Variants in NALF1 observed in about 807,000 individuals in gnomAD.
NALF1 encodes the protein NALCN channel auxiliary factor 1, also known as family with sequence similarity 155 member A.
A neutral mutation model predicts 48.4 loss-of-function variants in NALF1; 3 were observed. The observed-to-expected ratio is 0.06, with a 90% CI of 0.03 to 0.16. The LOEUF is 0.16. Among genes scored for constraint, NALF1 ranks in the 10% least tolerant of loss-of-function variants. NALF1 has a pLI of 1.00. For missense variants in NALF1, 526 were observed against 571.5 expected (o/e 0.92, Z 0.81); for synonymous variants, 262 against 245.7 (o/e 1.07, Z -0.62).
Position 107,812,928 on chromosome 13 carries a change from G to T in NALF1, c.915+52754C>A, listed in dbSNP as rs544902665. Among the ~76,000 whole-genome samples the T allele has an allele frequency of 3.2e-4, 49 of 152,108 alleles. No homozygotes were observed. In the South Asian group the frequency reaches 5.4e-3, roughly 17 times the overall value. ...GCATCACCACACCTGGCTAATTTTT[G>T]TATTTTTTGTAGAGAATAGGTTTTG... On this transcript the variant is annotated intron_variant, in intron 1 of 2. Coordinates refer to ENST00000375915, the MANE Select transcript of NALF1 (RefSeq NM_001080396.3).
intron 1 of NALF1, among the ~76,000 whole-genome samples, chr13:107,811,088 T>C (rs562605016): frequency 9.9e-5 from 15 of 152,270 alleles, no homozygotes; most frequent in African/African-American, 3.4e-4. Flanking sequence ...TATTTATCTA[T>C]AGAGTCCAAA....
intron 1 of NALF1, among the ~76,000 whole-genome samples, chr13:107,613,010 A>G (rs1006142170): frequency 1.8e-4 from 27 of 146,412 alleles, no homozygotes; most frequent in Middle Eastern, 3.4e-3. Context: ...GAGAAAAAAA[A>G]AAAAGAAAAG....
chr13:107,834,971 C>T (rs7982718), intron 1 of NALF1, among the ~76,000 whole-genome samples: 5,737 of 152,266 alleles, frequency 0.038, 280 homozygotes, highest in African/African-American at 0.11. Context: ...TCATAAATGA[C>T]AGCCTCTAAA....
intron 1 of NALF1, among the ~76,000 whole-genome samples, chr13:107,353,638 G>C (rs1017187771): frequency 6.6e-6 from 1 of 152,196 alleles, no homozygotes; most frequent in African/African-American, 2.4e-5. Context: ...AACAAGATCT[G>C]CCTGCTATAA....
intron 1 of NALF1, among the ~76,000 whole-genome samples, chr13:107,551,857 G>C (rs1257561762): frequency 6.6e-6 from 1 of 152,008 alleles, no homozygotes; most frequent in Non-Finnish European, 1.5e-5. Flanking sequence ...GGTCTACTCT[G>C]TACCTCTTAG....
At chr13:107,256,085 T>C (rs142055529) in intron 1 of NALF1, among the ~76,000 whole-genome samples, 1 of 152,328 alleles carries the variant, frequency 6.6e-6, no homozygotes, top group Non-Finnish European at 1.5e-5. Context: ...CATTTTTAAA[T>C]TTTAATGAAT....
At chr13:107,338,959 C>G (rs765423529) in intron 1 of NALF1, among the ~76,000 whole-genome samples, 5 of 151,780 alleles carry the variant, frequency 3.3e-5, no homozygotes, top group Non-Finnish European at 7.4e-5. Context: ...GGTGAAACCC[C>G]GTCTCTACTA....
At chr13:107,363,559 A>C (rs887406787) in intron 1 of NALF1, among the ~76,000 whole-genome samples, 1 of 152,224 alleles carries the variant, frequency 6.6e-6, no homozygotes, top group African/African-American at 2.4e-5. Context: ...TGAACACAAC[A>C]CTGCAGTCCA....
chr13:107,327,162 A>G (rs561373677), intron 1 of NALF1, among the ~76,000 whole-genome samples: 1 of 152,216 alleles, frequency 6.6e-6, no homozygotes, highest in African/African-American at 2.4e-5. Flanking sequence ...CTTGCCTGCA[A>G]CTTTGCTATC....
At chr13:107,785,134 A>ATG (rs970491315) in intron 1 of NALF1, among the ~76,000 whole-genome samples, 4 of 151,868 alleles carry the variant, frequency 2.6e-5, no homozygotes, top group Non-Finnish European at 5.9e-5. Flanking sequence ...ATTCATATAT[A>ATG]TGTGTGTGTA....
intron 1 of NALF1, among the ~76,000 whole-genome samples, chr13:107,686,948 G>A (rs1338486804): frequency 6.6e-6 from 1 of 152,048 alleles, no homozygotes; most frequent in Non-Finnish European, 1.5e-5. Context: ...TCCACTACTG[G>A]GTATCCATCC....
chr13:107,325,883 T>TAC (rs1662486140), intron 1 of NALF1, among the ~76,000 whole-genome samples: 4 of 94,910 alleles, frequency 4.2e-5, no homozygotes, highest in East Asian at 6.8e-4. Flanking sequence ...TATATATATA[T>TAC]ATATACACAC....
intron 1 of NALF1, among the ~76,000 whole-genome samples, chr13:107,837,774 C>T (rs1454437289): frequency 6.6e-6 from 1 of 152,008 alleles, no homozygotes. Context: ...AGACATTTGA[C>T]GAGGATGATG....
intron 1 of NALF1, among the ~76,000 whole-genome samples, chr13:107,395,798 C>A (rs767478732): frequency 3.7e-4 from 57 of 152,176 alleles, no homozygotes; most frequent in Middle Eastern, 3.4e-3. Flanking sequence ...CATGTTTTCA[C>A]GTAATTTTCC....
At chr13:107,480,491 G>C (rs1885238321) in intron 1 of NALF1, among the ~76,000 whole-genome samples, 1 of 152,160 alleles carries the variant, frequency 6.6e-6, no homozygotes. Flanking sequence ...TAACAGGGGT[G>C]TCCAATCTTG....
chr13:107,604,794 A>G (rs901697875), intron 1 of NALF1, among the ~76,000 whole-genome samples: 10 of 152,146 alleles, frequency 6.6e-5, no homozygotes, highest in African/African-American at 2.4e-4. Flanking sequence ...GCTGTGCCGC[A>G]GCCTCAAGAC....
chr13:107,556,114 C>T (rs1404393618), intron 1 of NALF1, among the ~76,000 whole-genome samples: 1 of 151,742 alleles, frequency 6.6e-6, no homozygotes, highest in African/African-American at 2.4e-5. Context: ...TTAAGCTAAA[C>T]TTGTTTCAAC....
chr13:107,379,666 A>G (rs1182716946), intron 1 of NALF1, among the ~76,000 whole-genome samples: 2 of 152,166 alleles, frequency 1.3e-5, no homozygotes, highest in Non-Finnish European at 2.9e-5. Flanking sequence ...CTCAGCTGTA[A>G]GCCACCTAGA....
intron 1 of NALF1, among the ~76,000 whole-genome samples, chr13:107,486,121 T>A (rs1368136248): frequency 9.2e-5 from 14 of 152,198 alleles, no homozygotes. Flanking sequence ...ATCTCTAGAA[T>A]CTAGTTCGGT....
Sources: allele counts gnomAD v4.1 joint callset (sites outside exome capture counted in the v4.1 genomes callset), GRCh38; gene constraint gnomAD v4.1.1; transcripts MANE v1.5; gene names NCBI Gene and HGNC (gene_info 2026-07-23, HGNC 2026-07-21).